The following RO60 variants were observed in gnomAD, a reference collection of about 807,000 sequenced individuals.
RO60 encodes the protein RNA-binding protein RO60.
A neutral mutation model predicts 55.3 loss-of-function variants in RO60; 20 were observed. The ratio of observed to expected loss-of-function variants is 0.36; its 90% CI spans 0.25 to 0.53. The LOEUF is 0.53. Among genes scored for constraint, RO60 ranks in the 20% least tolerant of loss-of-function variants. The probability of loss-of-function intolerance (pLI) is 0.92; values close to 1 mark genes in which losing one functional copy is unlikely to be tolerated. For missense variants in RO60, 558 were observed against 646.6 expected, an observed-to-expected ratio of 0.86 and a Z score of 1.49; for synonymous variants, 213 against 213.6, an observed-to-expected ratio of 1.00 and a Z score of 0.02.
intron 3 of RO60, 77 bp from the exon 4 acceptor site, chr1:193,076,424 T>G: frequency 6.8e-7 from 1 of 1,462,550 alleles, no homozygotes; most frequent in Non-Finnish European, 9.2e-7. Context: ...GTATTATGAA[T>G]ATTTTTTTAT....
intron 1 of RO60, among the ~76,000 whole-genome samples, chr1:193,062,418 T>C (rs746676011): frequency 6.6e-6 from 1 of 152,244 alleles, no homozygotes; most frequent in Non-Finnish European, 1.5e-5. Context: ...GTGCTCTCCA[T>C]TCTGATATAG....
intron 1 of RO60, among the ~76,000 whole-genome samples, chr1:193,061,812 G>A (rs988797685): frequency 6.6e-6 from 1 of 151,972 alleles, no homozygotes; most frequent in Non-Finnish European, 1.5e-5. Flanking sequence ...GTGAAACCCC[G>A]TCTCTACTAA....
intron 5 of RO60, among the ~76,000 whole-genome samples, chr1:193,080,386 C>T (rs939345964): frequency 9.9e-5 from 15 of 152,126 alleles, no homozygotes; most frequent in African/African-American, 3.6e-4. Context: ...GTAGAATTAC[C>T]ATACCATCCA....
intron 1 of RO60, among the ~76,000 whole-genome samples, chr1:193,060,472 C>A (rs1377688857): frequency 6.6e-6 from 1 of 151,942 alleles, no homozygotes; most frequent in East Asian, 1.9e-4. Flanking sequence ...ATATTTACTC[C>A]TTAAAAGCTA....
intron 2 of RO60, among the ~76,000 whole-genome samples, chr1:193,072,549 T>G (rs1216922766): frequency 2.0e-5 from 3 of 152,154 alleles, no homozygotes; most frequent in African/African-American, 7.2e-5. Flanking sequence ...TAGAAGGGCC[T>G]TTTCCAACCT....
rs541881073 is a variant in RO60, at chr1:193,088,880, T to G, written c.*4149T>G. ...ATTACTTTTCTACCTCTTTTTTTTC[T>G]TTTAAAATTCCTTTCTTACATTTCT... On this transcript the variant is annotated 3_prime_UTR_variant, in exon 9 of 9. Transcript: ENST00000400968. The G allele has an allele frequency of 1.3e-5, 2 of 152,344 alleles. No homozygotes were observed. The highest frequency in any genetic ancestry group is 3.9e-4 in the East Asian group (2 of 5,190). 9.4% of individuals were successfully genotyped at this position (152,344 alleles called of 1,614,324 possible). A position where few individuals can be genotyped will look rare whatever the true frequency, so the allele number is the denominator to read the frequency against.
chr1:193,067,563 C>T (rs1441172716), intron 1 of RO60, among the ~76,000 whole-genome samples: 1 of 151,854 alleles, frequency 6.6e-6, no homozygotes, highest in African/African-American at 2.4e-5. Flanking sequence ...TCAGTAAATG[C>T]TGGTTTAAGT....
chr1:193,059,940 C>T lies in RO60; in HGVS notation c.-22+164C>T, dbSNP rs781328722. On this transcript the variant is annotated intron_variant, in intron 1 of 8. Transcript: ENST00000400968. This position sits in a 1 kb window ranked among gnomAD's most constrained non-coding sequence, Gnocchi z 4.9. ...CCGTCCCGCTTCCGCGCCTGTCCACCCTGGGTAACGGAACCAGCATCGCGG... is the reference window on the plus strand; with the variant it reads ...CCGTCCCGCTTCCGCGCCTGTCCACTCTGGGTAACGGAACCAGCATCGCGG... 1.5e-6 allele frequency: 2 copies of T among 1,366,418 alleles called. No individual in the cohort carries two copies. Among genetic ancestry groups the T allele is most frequent in the Non-Finnish European group, 2.0e-6 (2 of 1,021,814 alleles). 84.6% of individuals were successfully genotyped at this position (1,366,418 alleles called of 1,614,324 possible).
intron 2 of RO60, among the ~76,000 whole-genome samples, chr1:193,073,906 G>A (rs1171825733): frequency 1.0e-5 from 1 of 96,534 alleles, no homozygotes; most frequent in East Asian, 3.3e-4. Flanking sequence ...CCCCACAACA[G>A]GCCCTGGTGT....
At chr1:193,070,528 CTTTT>C (rs748288245) in intron 2 of RO60, 333 of 364,750 alleles carry the variant, frequency 9.1e-4, no homozygotes, top group South Asian at 1.2e-3. Flanking sequence ...CAAAATTTGA[CTTTT>C]TTTTTTTTTT....
chr1:193,070,226 T>C (rs1673392847), intron 2 of RO60, among the ~76,000 whole-genome samples: 1 of 151,578 alleles, frequency 6.6e-6, no homozygotes, highest in Non-Finnish European at 1.5e-5. Flanking sequence ...TACCCACTGC[T>C]CTAGCCCATT....
At chr1:193,060,230 C>T (rs1672447759) in intron 1 of RO60, 1 of 664,978 alleles carries the variant, frequency 1.5e-6, no homozygotes, top group Admixed American at 3.8e-5. Context: ...AAGGTTTGTC[C>T]ATGGGGCTGC....
intron 8 of RO60, 124 bp from the exon 9 acceptor site, chr1:193,084,455 G>A (rs946006233): frequency 2.9e-5 from 34 of 1,165,884 alleles, no homozygotes; most frequent in Middle Eastern, 2.8e-4. Flanking sequence ...ATTGACCCCC[G>A]CAAAAAAATG....
rs934933613 is a variant in RO60 at position 193,086,734 on chromosome 1, G to T, written c.*2003G>T. The T allele has an allele frequency of 3.9e-5, 6 of 151,936 alleles. No homozygotes were observed. Among genetic ancestry groups the T allele is most frequent in the Non-Finnish European group, 4.4e-5 (3 of 67,960 alleles). 9.4% of individuals were successfully genotyped at this position (151,936 alleles called of 1,614,324 possible). Reference sequence around the variant, plus strand: ...ATAAGTTAATATTAAATCCATCAAGGATACAAGATTGGATGGATATGACCT... The same window carrying T: ...ATAAGTTAATATTAAATCCATCAAGTATACAAGATTGGATGGATATGACCT... On this transcript the variant is annotated 3_prime_UTR_variant, in exon 9 of 9. Transcript: ENST00000400968.
At chr1:193,083,893 TGTAGA>T (rs1248101357) in intron 8 of RO60, among the ~76,000 whole-genome samples, 1 of 152,204 alleles carries the variant, frequency 6.6e-6, no homozygotes, top group African/African-American at 2.4e-5. Context: ...CAGGATAGAA[TGTAGA>T]GTAAAGACTG....
chr1:193,067,756 T>G (rs1201683247), intron 1 of RO60, among the ~76,000 whole-genome samples: 1 of 152,204 alleles, frequency 6.6e-6, no homozygotes, highest in Non-Finnish European at 1.5e-5. Flanking sequence ...TCCAGACAGC[T>G]AGTTCTAGGA....
intron 8 of RO60, among the ~76,000 whole-genome samples, chr1:193,084,021 G>A (rs1324641697): frequency 6.6e-6 from 1 of 152,084 alleles, no homozygotes. Context: ...TAACAGTTAC[G>A]GTAGATGTAT....
At position 193,087,285 on chromosome 1, in the gene RO60, GAGTT is replaced by G; in HGVS notation, c.*2556_*2559del. 1 of 152,090 alleles carries G rather than the reference GAGTT, an allele frequency of 6.6e-6. No homozygotes were observed. The highest frequency in any genetic ancestry group is 2.1e-4 in the South Asian group (1 of 4,822). 9.4% of individuals were successfully genotyped at this position (152,090 alleles called of 1,614,324 possible). ...TGAAGTGATAAGTTTTTTATTTCCT[GAGTT>G]ACTTTTAGGATTACTGTTAAATTAA... is the stretch of plus-strand genomic sequence containing the variant. On this transcript the variant is annotated 3_prime_UTR_variant, in exon 9 of 9. Transcript: ENST00000400968.
At chr1:193,062,070 T>C (rs1672816422) in intron 1 of RO60, among the ~76,000 whole-genome samples, 1 of 152,152 alleles carries the variant, frequency 6.6e-6, no homozygotes, top group African/African-American at 2.4e-5. Flanking sequence ...AGAGATTTAA[T>C]ACAACATTAG....
Sources: allele counts gnomAD v4.1 joint callset (sites outside exome capture counted in the v4.1 genomes callset), GRCh38; gene constraint gnomAD v4.1.1; non-coding constraint Gnocchi (gnomAD v3.1); transcripts MANE v1.5; gene names NCBI Gene and HGNC (gene_info 2026-07-23, HGNC 2026-07-21).